ADAMTSL1: variants seen among roughly 807,000 people sequenced by gnomAD.
The protein encoded by ADAMTSL1 is ADAMTS-like protein 1.
In ADAMTSL1, 126 loss-of-function variants were observed where a neutral mutation model predicts 201.8. The ratio of observed to expected loss-of-function variants is 0.62; its 90% CI spans 0.54 to 0.72. ADAMTSL1 has a LOEUF of 0.72. ADAMTSL1 is among the 30% of genes least tolerant of loss of function. The pLI, the probability that ADAMTSL1 is intolerant of heterozygous loss-of-function variation, is 0.00. For synonymous variants in ADAMTSL1, 1,121 were observed against 903.4 expected, an observed-to-expected ratio of 1.24 and a Z score of -4.32; for missense variants, 2,679 against 2,277.8, an observed-to-expected ratio of 1.18 and a Z score of -3.59.
chr9:18,095,894 G>A (rs1371521954), intron 1 of ADAMTSL1, among the ~76,000 whole-genome samples: 3 of 152,100 alleles, frequency 2.0e-5, no homozygotes, highest in Non-Finnish European at 4.4e-5. Flanking sequence ...CTACTGGGTT[G>A]GTCATTGTTT....
chr9:18,319,007 G>A (rs1371780126), intron 2 of ADAMTSL1, among the ~76,000 whole-genome samples: 2 of 152,164 alleles, frequency 1.3e-5, no homozygotes, highest in African/African-American at 2.4e-5. Context: ...CCAGGAATTT[G>A]AGACTAGCCT....
intron 15 of ADAMTSL1, among the ~76,000 whole-genome samples, chr9:18,726,767 C>G (rs1287245745): frequency 5.3e-5 from 8 of 152,274 alleles, no homozygotes; most frequent in African/African-American, 1.9e-4. Flanking sequence ...CAGCTTTGTT[C>G]TAACATACTT....
At chr9:18,279,679 T>G (rs181610794) in intron 2 of ADAMTSL1, among the ~76,000 whole-genome samples, 441 of 152,240 alleles carry the variant, frequency 2.9e-3, no homozygotes, top group African/African-American at 9.5e-3. Context: ...AGCTGACCCT[T>G]GAACAACATG....
chr9:18,401,895 G>A (rs1247426685), intron 2 of ADAMTSL1, among the ~76,000 whole-genome samples: 2 of 152,286 alleles, frequency 1.3e-5, no homozygotes, highest in African/African-American at 4.8e-5. Context: ...GGGCAAGCAG[G>A]CTTCATGACC....
At chr9:17,950,094 A>AT (rs1370939050) in intron 1 of ADAMTSL1, among the ~76,000 whole-genome samples, 1 of 151,914 alleles carries the variant, frequency 6.6e-6, no homozygotes, top group Non-Finnish European at 1.5e-5. Context: ...TATTTTTTGT[A>AT]TTTTAAGTAG....
At chr9:18,652,307 G>A (rs546294369) in intron 7 of ADAMTSL1, among the ~76,000 whole-genome samples, 1 of 144,212 alleles carries the variant, frequency 6.9e-6, no homozygotes, top group Non-Finnish European at 1.5e-5. Flanking sequence ...AGGAGGCGGA[G>A]GTTACAAAGA....
At chr9:18,193,720 A>C (rs1272289722) in intron 2 of ADAMTSL1, among the ~76,000 whole-genome samples, 7 of 152,168 alleles carry the variant, frequency 4.6e-5, no homozygotes, top group Non-Finnish European at 2.9e-5. Flanking sequence ...TCCCATAGCC[A>C]CATAATTTTC....
At chr9:18,767,347 T>C (rs1298079669) in intron 16 of ADAMTSL1, among the ~76,000 whole-genome samples, 2 of 152,234 alleles carry the variant, frequency 1.3e-5, no homozygotes, top group Non-Finnish European at 2.9e-5. Context: ...ATGGAAAGTA[T>C]TGTGGAGAAT....
intron 2 of ADAMTSL1, among the ~76,000 whole-genome samples, chr9:18,271,018 A>G (rs1358460013): frequency 1.4e-4 from 22 of 152,128 alleles, no homozygotes; most frequent in Non-Finnish European, 1.5e-5. Flanking sequence ...AGGCTACCCA[A>G]CTGGGAGCAC....
At chr9:18,541,114 G>A (rs1820109200) in intron 3 of ADAMTSL1, among the ~76,000 whole-genome samples, 1 of 152,168 alleles carries the variant, frequency 6.6e-6, no homozygotes, top group African/African-American at 2.4e-5. Flanking sequence ...GTCACTTGAT[G>A]AAGGCTTGAT....
intron 1 of ADAMTSL1, among the ~76,000 whole-genome samples, chr9:18,488,350 C>T (rs943320814): frequency 1.3e-5 from 2 of 152,278 alleles, no homozygotes; most frequent in Non-Finnish European, 1.5e-5. Flanking sequence ...AGTAGCTTCC[C>T]ACGTTTGGTC....
intron 1 of ADAMTSL1, among the ~76,000 whole-genome samples, chr9:17,948,904 A>G (rs554136197): frequency 5.1e-4 from 77 of 152,330 alleles, no homozygotes; most frequent in South Asian, 1.9e-3. Context: ...AATCCTCTCT[A>G]GAAGGTTGAT....
At chr9:18,032,263 C>T (rs2131609931) in intron 1 of ADAMTSL1, among the ~76,000 whole-genome samples, 1 of 152,298 alleles carries the variant, frequency 6.6e-6, no homozygotes, top group Admixed American at 6.5e-5. Flanking sequence ...AGTGGTGGCT[C>T]CTCCTCTGCC....
chr9:18,522,113 C>A (rs1818733270), intron 2 of ADAMTSL1, among the ~76,000 whole-genome samples: 1 of 152,012 alleles, frequency 6.6e-6, no homozygotes, highest in African/African-American at 2.4e-5. Context: ...GAAACTCTTA[C>A]AATAATGTGT....
At chr9:18,412,821 T>C (rs1034126128) in intron 2 of ADAMTSL1, among the ~76,000 whole-genome samples, 2 of 152,202 alleles carry the variant, frequency 1.3e-5, no homozygotes, top group Admixed American at 6.5e-5. Context: ...CAGGCTAAGC[T>C]ATTTTTTTCT....
At chr9:18,044,182 C>G (rs924808341) in intron 1 of ADAMTSL1, among the ~76,000 whole-genome samples, 1 of 151,670 alleles carries the variant, frequency 6.6e-6, no homozygotes, top group Non-Finnish European at 1.5e-5. Context: ...AGGAAATTCA[C>G]TAAGACCAAG....
chr9:18,681,775 GCCTACGAGTCT>G, intron 11 of ADAMTSL1, 26 bp from the exon 12 acceptor site: 1 of 1,497,242 alleles, frequency 6.7e-7, no homozygotes, highest in Non-Finnish European at 9.0e-7. Context: ...ACAAGGCTTT[GCCTACGAGTCT>G]CCTCTCTCTT....
chr9:18,190,955 G>T (rs1456619823), intron 2 of ADAMTSL1, among the ~76,000 whole-genome samples: 2 of 152,180 alleles, frequency 1.3e-5, no homozygotes, highest in Non-Finnish European at 2.9e-5. Flanking sequence ...TGGCCTACAG[G>T]TGTCAAAATA....
At chr9:18,551,894 G>C (rs1205179409) in intron 3 of ADAMTSL1, among the ~76,000 whole-genome samples, 1 of 151,696 alleles carries the variant, frequency 6.6e-6, no homozygotes, top group Non-Finnish European at 1.5e-5. Flanking sequence ...AAAGTAGGTT[G>C]AACTTCTCTG....
Sources: gnomAD v4.1 joint callset for allele counts (sites outside exome capture counted in the v4.1 genomes callset) on GRCh38, gnomAD v4.1.1 for gene constraint, MANE v1.5 for transcripts, NCBI Gene and HGNC (gene_info 2026-07-23, HGNC 2026-07-21) for gene names.